Variants in SHTN1 observed in about 807,000 individuals in gnomAD.
SHTN1 encodes the protein shootin-1.
A neutral mutation model predicts 83.1 loss-of-function variants in SHTN1; 42 were observed. The observed-to-expected ratio is 0.51, with a 90% CI of 0.39 to 0.65. The LOEUF is 0.65. SHTN1 is among the 30% of genes least tolerant of loss of function. The pLI, the probability that SHTN1 is intolerant of heterozygous loss-of-function variation, is 0.00. For missense variants in SHTN1, 622 were observed against 737.8 expected, an observed-to-expected ratio of 0.84 and a Z score of 1.82; for synonymous variants, 224 against 247.7, an observed-to-expected ratio of 0.90 and a Z score of 0.90.
chr10:117,099,777 TAGGTTAGAATCCA>T (rs1415693806), intron 1 of SHTN1, among the ~76,000 whole-genome samples: 2 of 152,200 alleles, frequency 1.3e-5, no homozygotes, highest in Non-Finnish European at 2.9e-5. Context: ...CTTTGAGGCC[TAGGTTAGAATCCA>T]AAGTTTTCCC....
At chr10:117,009,450 T>TA (rs1852069085), upstream of SHTN1, among the ~76,000 whole-genome samples, 1 of 152,098 alleles carries the variant, frequency 6.6e-6, no homozygotes, top group South Asian at 2.1e-4. Flanking sequence ...ACAATAGATT[T>TA]AAAGCAAAAT....
chr10:116,915,187 T>C (rs889113942), intron 13 of SHTN1, among the ~76,000 whole-genome samples, 188 bp downstream of exon 13: 1 of 152,228 alleles, frequency 6.6e-6, no homozygotes, highest in African/African-American at 2.4e-5. Flanking sequence ...GCTTCCTTTT[T>C]ATACTGATTT....
intron 1 of SHTN1, among the ~76,000 whole-genome samples, chr10:117,079,884 G>C (rs1407867091): frequency 6.8e-6 from 1 of 147,988 alleles, no homozygotes; most frequent in Non-Finnish European, 1.5e-5. Context: ...TGATGGGGTT[G>C]TTTGTCTTTT....
At chr10:117,023,621 T>C (rs894538495) in intron 2 of SHTN1, 1 of 152,638 alleles carries the variant, frequency 6.6e-6, no homozygotes, top group African/African-American at 2.4e-5. Context: ...TGGGAAATTT[T>C]TGCCGTCTTC....
chr10:116,988,509 ATATTT>A (rs1851303205), intron 1 of SHTN1, among the ~76,000 whole-genome samples: 1 of 146,374 alleles, frequency 6.8e-6, no homozygotes, highest in African/African-American at 2.5e-5. Context: ...CTTATTTTTT[ATATTT>A]TATCTTATTT....
At position 116,979,519 on chromosome 10, in the gene SHTN1, T is replaced by C. The variant is rs562173673; in HGVS notation, c.59-211A>G. 9.0e-4 allele frequency among the ~76,000 whole-genome samples: 137 copies of C among 152,228 alleles called. 2 individuals are homozygous for C. In the South Asian group the frequency reaches 0.022, roughly 25 times the overall value. Reference sequence around the variant, plus strand: ...CCAGGCTGGTCTCAAAACTCCTGGGTTCAAACGATCCTCCTGCCTTGGCCT... The same window carrying C: ...CCAGGCTGGTCTCAAAACTCCTGGGCTCAAACGATCCTCCTGCCTTGGCCT... On this transcript the variant is annotated intron_variant, in intron 1 of 16. Transcript: ENST00000355371.
intron 16 of SHTN1, among the ~76,000 whole-genome samples, chr10:116,888,072 C>T (rs1368967755): frequency 6.6e-6 from 1 of 152,188 alleles, no homozygotes; most frequent in African/African-American, 2.4e-5. Context: ...CTATGTGTGG[C>T]TCGGTCATCA....
At chr10:117,020,446 G>A (rs544397563) in intron 2 of SHTN1, among the ~76,000 whole-genome samples, 1 of 151,242 alleles carries the variant, frequency 6.6e-6, no homozygotes, top group South Asian at 2.1e-4. Context: ...GTTGCAGTGA[G>A]CTGAGATGGT....
chr10:117,013,910 ATGTG>A (rs767351166), intron 2 of SHTN1, among the ~76,000 whole-genome samples: 1 of 152,082 alleles, frequency 6.6e-6, no homozygotes, highest in African/African-American at 2.4e-5. Flanking sequence ...TCTTCCAAAT[ATGTG>A]TGTGTGTATA....
chr10:117,009,574 A>G (rs1418887370), upstream of SHTN1, among the ~76,000 whole-genome samples: 2 of 152,134 alleles, frequency 1.3e-5, no homozygotes, highest in Non-Finnish European at 2.9e-5. Context: ...CTATATTCAC[A>G]AAAGGGTTGA....
At chr10:116,900,872 T>A (rs968398471) in intron 16 of SHTN1, 1 of 985,056 alleles carries the variant, frequency 1.0e-6, no homozygotes, top group African/African-American at 1.7e-5. Flanking sequence ...AAAAAGTTAA[T>A]AGTAGCAATG....
intron 2 of SHTN1, among the ~76,000 whole-genome samples, chr10:117,044,494 CA>C (rs1852632339): frequency 6.6e-6 from 1 of 152,070 alleles, no homozygotes; most frequent in South Asian, 2.1e-4. Flanking sequence ...AAGCTATGTC[CA>C]ATTTCTTTCT....
chr10:117,061,088 T>A (rs1852892185), intron 1 of SHTN1, among the ~76,000 whole-genome samples: 1 of 152,030 alleles, frequency 6.6e-6, no homozygotes, highest in East Asian at 1.9e-4. Context: ...ACCATTATTA[T>A]GCATAGTTAA....
intron 1 of SHTN1, among the ~76,000 whole-genome samples, chr10:117,081,608 TG>T (rs1473157460): frequency 1.1e-4 from 16 of 142,240 alleles, no homozygotes; most frequent in Middle Eastern, 3.5e-3. Context: ...TCAGAAGGAA[TG>T]GTACCAGTTC....
chr10:117,005,210 C>T, upstream of SHTN1: 2 of 1,516,142 alleles, frequency 1.3e-6, no homozygotes, highest in South Asian at 2.5e-5. Context: ...GCTCCCGCTC[C>T]TCCTCCTCCT....
chr10:117,071,088 A>G (rs961984315), intron 1 of SHTN1, among the ~76,000 whole-genome samples: 1 of 152,174 alleles, frequency 6.6e-6, no homozygotes, highest in African/African-American at 2.4e-5. Flanking sequence ...ATAAAGCAGC[A>G]ATTATCTTAC....
At chr10:117,007,662 G>A (rs981335225), upstream of SHTN1, among the ~76,000 whole-genome samples, 1 of 150,562 alleles carries the variant, frequency 6.6e-6, no homozygotes, top group African/African-American at 2.4e-5. Flanking sequence ...TTGGGATTCA[G>A]TTCTCCCATT....
rs1314170750 is a variant in SHTN1 at position 116,901,774 on chromosome 10, A to C, written c.1664T>G (p.Val555Gly). ...RKLEGCTSSK[V>G]TFQPPSSIGC... Reference sequence around the variant, plus strand: ...GAGCATCGTTACTTACTGAAACGTAACCTTGGAACTTGTGCATCCTTCCAA... The same window carrying C: ...GAGCATCGTTACTTACTGAAACGTACCCTTGGAACTTGTGCATCCTTCCAA... Residue 555 changes from valine (V) to glycine (G), a missense_variant, in exon 16 of 17, where the codon GTT becomes GGT. Coordinates refer to ENST00000355371, the MANE Select transcript of SHTN1 (RefSeq NM_001127211.3). 6.3e-7 allele frequency: 1 copy of C among 1,595,612 alleles called. No individual in the cohort carries two copies. Among genetic ancestry groups the C allele is most frequent in the Non-Finnish European group, 8.5e-7 (1 of 1,174,056 alleles).
intron 3 of SHTN1, among the ~76,000 whole-genome samples, chr10:116,967,582 CTCTT>C (rs974358555): frequency 2.6e-5 from 4 of 152,172 alleles, no homozygotes; most frequent in Admixed American, 1.3e-4. Flanking sequence ...TCCTTCTGCC[CTCTT>C]TATTTACTTA....
Sources: allele counts gnomAD v4.1 joint callset (sites outside exome capture counted in the v4.1 genomes callset), GRCh38; gene constraint gnomAD v4.1.1; transcripts MANE v1.5; gene names NCBI Gene and HGNC (gene_info 2026-07-23, HGNC 2026-07-21).